The following MSN variants were observed in gnomAD, a reference collection of about 807,000 sequenced individuals.
MSN encodes epididymis luminal protein 70.
MSN carries 2 observed loss-of-function variants against 48.0 expected under a neutral mutation model. The ratio of observed to expected loss-of-function variants is 0.04; its 90% confidence interval spans 0.02 to 0.13. The LOEUF (loss-of-function observed/expected upper bound fraction) is 0.13. Among genes scored for constraint, MSN ranks in the 10% least tolerant of loss-of-function variants. The probability of loss-of-function intolerance (pLI) is 1.00; values close to 1 mark genes in which losing one functional copy is unlikely to be tolerated. For missense variants in MSN, 267 were observed against 470.1 expected (o/e 0.57, Z 3.99); for synonymous variants, 146 against 166.9 (o/e 0.87, Z 0.97).
At chrX:65,725,538 T>C (rs1215198450) in intron 2 of MSN, among the ~76,000 whole-genome samples, 2 of 111,540 alleles carry the variant, frequency 1.8e-5, no homozygotes, top group Non-Finnish European at 3.8e-5. Flanking sequence ...AATTGGGCCT[T>C]GGGCCCTGTT....
chrX:65,626,028 C>T (rs1377249552), intron 1 of MSN, among the ~76,000 whole-genome samples: 1 of 101,986 alleles, frequency 9.8e-6, no homozygotes, highest in African/African-American at 3.7e-5. Flanking sequence ...AATCTCAGCT[C>T]ACTGCAAGCT....
intron 1 of MSN, among the ~76,000 whole-genome samples, chrX:65,635,508 C>T (rs766635758): frequency 1.3e-3 from 147 of 111,827 alleles, no homozygotes; most frequent in Non-Finnish European, 2.4e-3. Flanking sequence ...AGTCAGGGGA[C>T]GGAGACTGGG....
At chrX:65,596,586 C>T (rs747401357) in intron 1 of MSN, among the ~76,000 whole-genome samples, 4 of 108,960 alleles carry the variant, frequency 3.7e-5, no homozygotes, top group Non-Finnish European at 7.6e-5. Context: ...AAGCTCTTTC[C>T]TATTTTTCTT....
At chrX:65,683,393 G>GCCACCACCACCACCACCACCACCA in intron 1 of MSN, among the ~76,000 whole-genome samples, 2 of 91,285 alleles carry the variant, frequency 2.2e-5, no homozygotes, top group Non-Finnish European at 4.2e-5. Flanking sequence ...TGCCGCCGCC[G>GCCACCACCACCACCACCACCACCA]CCACCACCAC....
At chrX:65,695,081 CGTGTGTGT>C (rs752844911) in intron 1 of MSN, among the ~76,000 whole-genome samples, 1 of 99,872 alleles carries the variant, frequency 1.0e-5, no homozygotes, top group Admixed American at 1.1e-4. Flanking sequence ...TGTGTGTCTG[CGTGTGTGT>C]GTGTGTGTGT....
intron 1 of MSN, among the ~76,000 whole-genome samples, chrX:65,704,816 C>G (rs942901844): frequency 9.5e-6 from 1 of 104,877 alleles, no homozygotes; most frequent in Non-Finnish European, 1.9e-5. Flanking sequence ...GTCACCCAGG[C>G]TGGAGTGCAG....
intron 1 of MSN, among the ~76,000 whole-genome samples, chrX:65,617,805 T>C (rs372037207): frequency 9.2e-6 from 1 of 108,595 alleles, no homozygotes; most frequent in African/African-American, 3.4e-5. Context: ...TGTTAGGGTG[T>C]CAATTTTGGA....
At chrX:65,592,103 G>C (rs2070151565) in intron 1 of MSN, among the ~76,000 whole-genome samples, 1 of 108,516 alleles carries the variant, frequency 9.2e-6, no homozygotes, top group Admixed American at 1.0e-4. Flanking sequence ...CTGTAAGAAG[G>C]CCTTTGAAGG....
At chrX:65,618,706 C>G (rs1394739529) in intron 1 of MSN, among the ~76,000 whole-genome samples, 7 of 109,837 alleles carry the variant, frequency 6.4e-5, no homozygotes, top group African/African-American at 2.3e-4. Flanking sequence ...AGTCCATTTA[C>G]ATTTAAAGTT....
intron 1 of MSN, among the ~76,000 whole-genome samples, chrX:65,696,795 T>A (rs2071246735): frequency 9.0e-6 from 1 of 111,171 alleles, no homozygotes; most frequent in Non-Finnish European, 1.9e-5. Context: ...CTTTATCAAC[T>A]CGAAAAAACA....
intron 1 of MSN, among the ~76,000 whole-genome samples, chrX:65,660,322 TG>T (rs1157471043): frequency 2.7e-5 from 3 of 112,186 alleles, no homozygotes; most frequent in Non-Finnish European, 5.6e-5. Context: ...TACTGATTTT[TG>T]TACATTGACT....
At chrX:65,728,333 G>A (rs913029747) in intron 3 of MSN, among the ~76,000 whole-genome samples, 2 of 110,837 alleles carry the variant, frequency 1.8e-5, no homozygotes, top group African/African-American at 6.6e-5. Flanking sequence ...TCGCACTCTC[G>A]CCCAGGCTGG....
At chrX:65,698,132 G>C (rs2071264677) in intron 1 of MSN, among the ~76,000 whole-genome samples, 1 of 111,332 alleles carries the variant, frequency 9.0e-6, no homozygotes. Flanking sequence ...AAATGGGCTG[G>C]TGGTAAGGCC....
chrX:65,664,870 C>G (rs1271762243), upstream of MSN, among the ~76,000 whole-genome samples: 1 of 109,658 alleles, frequency 9.1e-6, no homozygotes, highest in African/African-American at 3.3e-5. Flanking sequence ...CTGCCTCAGC[C>G]TCTCGAGTAG....
At chrX:65,697,229 A>T (rs1341636561) in intron 1 of MSN, among the ~76,000 whole-genome samples, 1 of 111,055 alleles carries the variant, frequency 9.0e-6, no homozygotes, top group Non-Finnish European at 1.9e-5. Flanking sequence ...CATCCTGCTT[A>T]GGGGTAGCCA....
chrX:65,726,777 C>G (rs1438762547), intron 2 of MSN, among the ~76,000 whole-genome samples: 1 of 111,334 alleles, frequency 9.0e-6, no homozygotes, highest in Non-Finnish European at 1.9e-5. Context: ...GCATCCTTCT[C>G]CCAAAAAACA....
chrX:65,681,790 A>G (rs2071057856), intron 1 of MSN, among the ~76,000 whole-genome samples: 1 of 112,464 alleles, frequency 8.9e-6, no homozygotes, highest in African/African-American at 3.2e-5. Flanking sequence ...AGGACACTCC[A>G]GTATGTTTGT....
chrX:65,711,971 C>A (rs143871357), intron 1 of MSN, among the ~76,000 whole-genome samples: 6 of 111,607 alleles, frequency 5.4e-5, no homozygotes, highest in African/African-American at 2.0e-4. Flanking sequence ...GTCTATTATT[C>A]TAAAAAGCCC....
At chrX:65,674,888 C>G (rs777714485) in intron 1 of MSN, among the ~76,000 whole-genome samples, 1 of 111,822 alleles carries the variant, frequency 8.9e-6, no homozygotes, top group Non-Finnish European at 1.9e-5. Flanking sequence ...GCTCTGCGAC[C>G]AACTAGTTAT....
Sources: gnomAD v4.1 joint callset for allele counts (sites outside exome capture counted in the v4.1 genomes callset) on GRCh38, gnomAD v4.1.1 for gene constraint, MANE v1.5 for transcripts, NCBI Gene and HGNC (gene_info 2026-07-23, HGNC 2026-07-21) for gene names.